The following KCNH7 variants were observed in gnomAD, a reference collection of about 807,000 sequenced individuals.
KCNH7 encodes potassium voltage-gated channel subfamily H member 7.
KCNH7 carries 49 observed loss-of-function variants against 120.8 expected under a neutral mutation model. The ratio of observed to expected loss-of-function variants is 0.41; its 90% CI spans 0.32 to 0.51. The LOEUF (loss-of-function observed/expected upper bound fraction) is 0.51. Ranked by LOEUF, KCNH7 falls within the 20% of genes least tolerant of loss-of-function variation. The pLI, the probability that KCNH7 is intolerant of heterozygous loss-of-function variation, is 0.38. For missense variants in KCNH7, 1,097 were observed against 1,446.6 expected (o/e 0.76, Z 3.92); for synonymous variants, 547 against 516.1 (o/e 1.06, Z -0.81).
rs1221267480 is a variant in KCNH7 at position 162,580,035 on chromosome 2, C to T, written c.308-42955G>A. Among the ~76,000 whole-genome samples the T allele has an allele frequency of 2.0e-5, 3 of 151,960 alleles. No homozygotes were observed. The East Asian group carries it at 5.8e-4, about 30-fold the overall frequency. ...GTTCTCTACCTTCATTCAAAATGGG[C>T]TTGACTATAGATCAGGTCACATGTA... On this transcript the variant is annotated intron_variant, in intron 2 of 15. Transcript: ENST00000332142.
At chr2:162,834,455 C>G (rs1371276334) in intron 2 of KCNH7, among the ~76,000 whole-genome samples, 4 of 152,006 alleles carry the variant, frequency 2.6e-5, no homozygotes. Flanking sequence ...TCCTTGAAGA[C>G]TGAGTTACAT....
At chr2:162,479,657 TTG>T (rs112491045) in intron 6 of KCNH7, among the ~76,000 whole-genome samples, 15,432 of 146,628 alleles carry the variant, frequency 0.11, 1,214 homozygotes, top group African/African-American at 0.23. Flanking sequence ...CATTAGGAAA[TTG>T]TGTGTGTGTG....
At chr2:162,482,413 A>G (rs985057563) in intron 6 of KCNH7, among the ~76,000 whole-genome samples, 4 of 152,102 alleles carry the variant, frequency 2.6e-5, no homozygotes, top group African/African-American at 9.7e-5. Flanking sequence ...TGAGGAGCAA[A>G]TGCCAAAATG....
intron 2 of KCNH7, among the ~76,000 whole-genome samples, chr2:162,673,970 T>C (rs1171840347): frequency 6.6e-6 from 1 of 151,898 alleles, no homozygotes; most frequent in Non-Finnish European, 1.5e-5. Flanking sequence ...TTTTTAGTGA[T>C]AAAATATAAA....
chr2:162,423,329 T>A lies in KCNH7; in HGVS notation c.2154+7A>T. 6.2e-7 allele frequency: 1 copy of A among 1,614,036 alleles called. No homozygotes were observed. The highest frequency in any genetic ancestry group is 8.5e-7 in the Non-Finnish European group (1 of 1,179,904). ...GCACTTTCATTTTGGAAAACAGACA[T>A]ACATACCATGTTCATGTCAATGCCA... On this transcript the variant is annotated splice_region_variant and intron_variant, in intron 9 of 15. Transcript: ENST00000332142.
intron 2 of KCNH7, among the ~76,000 whole-genome samples, chr2:162,759,949 C>T (rs938634714): frequency 2.0e-5 from 3 of 151,894 alleles, no homozygotes; most frequent in African/African-American, 7.3e-5. Flanking sequence ...GATACAAAGT[C>T]CTGAAGAATA....
intron 2 of KCNH7, among the ~76,000 whole-genome samples, chr2:162,651,308 C>T (rs147336978): frequency 6.6e-6 from 1 of 152,258 alleles, no homozygotes; most frequent in African/African-American, 2.4e-5. Flanking sequence ...ATTATTTCAT[C>T]AACCAGGCAT....
intron 2 of KCNH7, among the ~76,000 whole-genome samples, chr2:162,828,519 G>T (rs534129987): frequency 1.3e-5 from 2 of 152,036 alleles, no homozygotes; most frequent in African/African-American, 4.8e-5. Context: ...TTCAAAAAAT[G>T]CAAAAGAATT....
At chr2:162,698,732 G>A (rs747192515) in intron 2 of KCNH7, among the ~76,000 whole-genome samples, 4 of 151,952 alleles carry the variant, frequency 2.6e-5, no homozygotes, top group African/African-American at 4.8e-5. Flanking sequence ...CTGTAAAATG[G>A]AGACCATAAG....
chr2:162,562,831 T>C (rs1693120930), intron 2 of KCNH7, among the ~76,000 whole-genome samples: 1 of 152,210 alleles, frequency 6.6e-6, no homozygotes, highest in Non-Finnish European at 1.5e-5. Flanking sequence ...TGATCTAGCA[T>C]AAACTCTTTC....
chr2:162,384,054 A>G (rs1386122865), intron 13 of KCNH7, among the ~76,000 whole-genome samples: 1 of 151,826 alleles, frequency 6.6e-6, no homozygotes, highest in Non-Finnish European at 1.5e-5. Context: ...TAGTTCTTTA[A>G]ATTTTCCTGA....
At chr2:162,799,570 T>C (rs1002485413) in intron 2 of KCNH7, among the ~76,000 whole-genome samples, 4 of 151,956 alleles carry the variant, frequency 2.6e-5, no homozygotes, top group Admixed American at 2.0e-4. Flanking sequence ...AATTGTCCTG[T>C]TCAAAAAACA....
At chr2:162,507,126 A>G (rs2105760133) in intron 5 of KCNH7, among the ~76,000 whole-genome samples, 1 of 151,842 alleles carries the variant, frequency 6.6e-6, no homozygotes, top group East Asian at 2.0e-4. Flanking sequence ...CTTTATCAGA[A>G]ATTGTTCATC....
intron 2 of KCNH7, among the ~76,000 whole-genome samples, chr2:162,754,121 C>A (rs927347162): frequency 1.3e-5 from 2 of 151,936 alleles, no homozygotes; most frequent in East Asian, 3.9e-4. Context: ...TAGAAATAGC[C>A]TTTTATTTCC....
intron 2 of KCNH7, among the ~76,000 whole-genome samples, chr2:162,622,115 C>T (rs1683384434): frequency 6.6e-6 from 1 of 152,200 alleles, no homozygotes; most frequent in African/African-American, 2.4e-5. Context: ...TTAAATTAAA[C>T]TCCTAAAGAA....
chr2:162,834,617 G>A (rs1685589415), intron 2 of KCNH7, among the ~76,000 whole-genome samples: 3 of 151,936 alleles, frequency 2.0e-5, no homozygotes, highest in South Asian at 4.1e-4. Context: ...ATTTGTATTT[G>A]TCAATATACT....
chr2:162,567,731 G>T (rs1693307687), intron 2 of KCNH7, among the ~76,000 whole-genome samples: 1 of 151,872 alleles, frequency 6.6e-6, no homozygotes. Context: ...CAAATAACAA[G>T]AATAATTTGG....
intron 2 of KCNH7, among the ~76,000 whole-genome samples, chr2:162,625,000 G>T: frequency 6.8e-6 from 1 of 147,844 alleles, no homozygotes; most frequent in South Asian, 2.2e-4. Context: ...GAGGTTCAAG[G>T]AATTCTCCTG....
At chr2:162,741,478 A>G (rs1185257340) in intron 2 of KCNH7, among the ~76,000 whole-genome samples, 2 of 151,884 alleles carry the variant, frequency 1.3e-5, no homozygotes, top group African/African-American at 2.4e-5. Context: ...CCATTGTATT[A>G]TATATGATTT....
Sources: gnomAD v4.1 joint callset for allele counts (sites outside exome capture counted in the v4.1 genomes callset) on GRCh38, gnomAD v4.1.1 for gene constraint, MANE v1.5 for transcripts, NCBI Gene and HGNC (gene_info 2026-07-23, HGNC 2026-07-21) for gene names.